Variants in ESRRG observed in about 807,000 individuals in gnomAD.
ESRRG encodes estrogen related receptor gamma, also known as estrogen-related receptor gamma.
ESRRG carries 13 observed loss-of-function variants against 44.0 expected under a neutral mutation model. The ratio of observed to expected loss-of-function variants is 0.30; its 90% CI spans 0.19 to 0.47. ESRRG has a LOEUF of 0.47. Ranked by LOEUF, ESRRG falls within the 20% of genes least tolerant of loss-of-function variation. The probability of loss-of-function intolerance (pLI) is 1.00; values close to 1 mark genes in which losing one functional copy is unlikely to be tolerated. For synonymous variants in ESRRG, 215 were observed against 214.6 expected (o/e 1.00, Z -0.02); for missense variants, 395 against 580.6 (o/e 0.68, Z 3.29).
intron 2 of ESRRG, among the ~76,000 whole-genome samples, chr1:216,874,339 A>G (rs939077153): frequency 6.6e-6 from 1 of 152,212 alleles, no homozygotes; most frequent in African/African-American, 2.4e-5. Flanking sequence ...TGCTTATTCC[A>G]TTATATCCAA....
At chr1:216,800,306 T>A (rs928507864) in intron 2 of ESRRG, among the ~76,000 whole-genome samples, 3 of 152,140 alleles carry the variant, frequency 2.0e-5, no homozygotes, top group African/African-American at 7.2e-5. Context: ...GCACATGGGC[T>A]TTCTCAATTG....
intron 1 of ESRRG, among the ~76,000 whole-genome samples, chr1:216,718,255 T>G (rs1216122201): frequency 6.6e-6 from 1 of 151,870 alleles, no homozygotes; most frequent in Admixed American, 6.6e-5. Flanking sequence ...ATTATATAAA[T>G]GTACATGAAT....
chr1:216,923,580 G>A (rs1400457283), intron 2 of ESRRG, among the ~76,000 whole-genome samples: 1 of 152,184 alleles, frequency 6.6e-6, no homozygotes, highest in Non-Finnish European at 1.5e-5. Context: ...TAACTGGACT[G>A]TTGGTGGAGT....
chr1:217,096,445 G>A (rs2092423869), intron 1 of ESRRG, among the ~76,000 whole-genome samples: 1 of 152,226 alleles, frequency 6.6e-6, no homozygotes, highest in African/African-American at 2.4e-5. Flanking sequence ...TTGAGTGTGA[G>A]TCTCATTTCT....
chr1:216,697,696 A>T (rs568099859), intron 1 of ESRRG, among the ~76,000 whole-genome samples: 1 of 152,234 alleles, frequency 6.6e-6, no homozygotes, highest in Non-Finnish European at 1.5e-5. Flanking sequence ...CAAGAAACTA[A>T]CGAGGTTAGA....
At chr1:217,011,191 G>A (rs1377432268) in intron 1 of ESRRG, among the ~76,000 whole-genome samples, 3 of 152,064 alleles carry the variant, frequency 2.0e-5, no homozygotes, top group Admixed American at 2.0e-4. Flanking sequence ...CAGAAAAAAT[G>A]ACACATTGCC....
intron 1 of ESRRG, among the ~76,000 whole-genome samples, chr1:217,056,661 T>C (rs2087159483): frequency 6.6e-6 from 1 of 151,214 alleles, no homozygotes; most frequent in Admixed American, 6.6e-5. Context: ...TCTGGAAAGA[T>C]TCTGGCCATG....
chr1:216,606,755 C>T (rs1319981467), intron 3 of ESRRG, among the ~76,000 whole-genome samples: 1 of 152,096 alleles, frequency 6.6e-6, no homozygotes, highest in Non-Finnish European at 1.5e-5. Context: ...TTTTAATGTA[C>T]CTGGTATGTA....
intron 3 of ESRRG, among the ~76,000 whole-genome samples, chr1:216,644,659 A>T (rs2150960763): frequency 6.6e-6 from 1 of 151,406 alleles, no homozygotes; most frequent in East Asian, 1.9e-4. Context: ...CTGGTCTCAA[A>T]CTCCTGTACT....
At chr1:216,834,613 G>C (rs1000208184) in intron 2 of ESRRG, among the ~76,000 whole-genome samples, 2 of 152,070 alleles carry the variant, frequency 1.3e-5, no homozygotes, top group African/African-American at 4.8e-5. Context: ...AAAAATGTTT[G>C]AAAAATGATT....
At chr1:216,712,693 C>T (rs189733617) in intron 1 of ESRRG, among the ~76,000 whole-genome samples, 1 of 152,160 alleles carries the variant, frequency 6.6e-6, no homozygotes, top group African/African-American at 2.4e-5. Flanking sequence ...AATCTTAAAC[C>T]ATTACATTTC....
chr1:216,510,264 A>C (rs1269355979), intron 6 of ESRRG, among the ~76,000 whole-genome samples: 3 of 152,206 alleles, frequency 2.0e-5, no homozygotes, highest in Non-Finnish European at 2.9e-5. Flanking sequence ...ACTACTACTG[A>C]ATTAGACAAT....
chr1:216,895,823 A>G (rs148241184), intron 2 of ESRRG, among the ~76,000 whole-genome samples: 3 of 152,284 alleles, frequency 2.0e-5, no homozygotes, highest in African/African-American at 7.2e-5. Flanking sequence ...TTTCTTTTTA[A>G]TAACTTAACA....
chr1:216,945,904 T>C (rs911000665), intron 1 of ESRRG, among the ~76,000 whole-genome samples: 24 of 152,166 alleles, frequency 1.6e-4, no homozygotes, highest in African/African-American at 4.8e-4. Flanking sequence ...TTCTGTTTTT[T>C]TGGCAGACCA....
intron 2 of ESRRG, among the ~76,000 whole-genome samples, chr1:216,673,380 T>C (rs1409460652): frequency 6.6e-6 from 1 of 152,244 alleles, no homozygotes; most frequent in Non-Finnish European, 1.5e-5. Context: ...CACAGTGTGA[T>C]GTCTGATGAT....
chr1:217,013,369 T>C (rs1035353738), intron 1 of ESRRG, among the ~76,000 whole-genome samples: 3 of 152,214 alleles, frequency 2.0e-5, no homozygotes, highest in African/African-American at 7.2e-5. Context: ...AAAAAACAGA[T>C]TGAGAACTAA....
intron 1 of ESRRG, among the ~76,000 whole-genome samples, chr1:216,712,845 A>T (rs1272613294): frequency 6.6e-6 from 1 of 152,228 alleles, no homozygotes; most frequent in Non-Finnish European, 1.5e-5. Context: ...TTTTTAGTGA[A>T]AATTTAATAA....
intron 1 of ESRRG, among the ~76,000 whole-genome samples, chr1:217,072,365 AC>A (rs1411860162): frequency 6.6e-6 from 1 of 152,228 alleles, no homozygotes; most frequent in African/African-American, 2.4e-5. Context: ...CCAGAGGCAT[AC>A]TTATAAGACT....
At chr1:216,782,335 C>T (rs1192150773) in intron 2 of ESRRG, among the ~76,000 whole-genome samples, 1 of 151,950 alleles carries the variant, frequency 6.6e-6, no homozygotes, top group African/African-American at 2.4e-5. Flanking sequence ...ATGATTCCTT[C>T]CTTCTTGGGG....
Sources: gnomAD v4.1 joint callset for allele counts (sites outside exome capture counted in the v4.1 genomes callset) on GRCh38, gnomAD v4.1.1 for gene constraint, MANE v1.5 for transcripts, NCBI Gene and HGNC (gene_info 2026-07-23, HGNC 2026-07-21) for gene names.